Variants in AP5Z1 observed in about 807,000 individuals in gnomAD.
The protein encoded by AP5Z1 is adaptor related protein complex 5 subunit zeta 1.
A neutral mutation model predicts 83.0 loss-of-function variants in AP5Z1; 106 were observed. The ratio of observed to expected loss-of-function variants is 1.28; its 90% confidence interval spans 1.09 to 1.50. The LOEUF (loss-of-function observed/expected upper bound fraction) is 1.50. AP5Z1 is among the 40% of genes most tolerant of loss of function. The pLI, the probability that AP5Z1 is intolerant of heterozygous loss-of-function variation, is 0.00. For synonymous variants in AP5Z1, 751 were observed against 514.1 expected (o/e 1.46, Z -6.23); for missense variants, 1,565 against 1,094.2 (o/e 1.43, Z -6.07).
chr7:4,781,475 C>A, intron 2 of AP5Z1, 93 bp from the exon 3 acceptor site: 1 of 1,540,374 alleles, frequency 6.5e-7, no homozygotes. Context: ...TGTCCACTGG[C>A]CCAAGGGTGC....
chr7:4,782,342 C>T (rs529279814), intron 3 of AP5Z1, among the ~76,000 whole-genome samples: 1 of 152,312 alleles, frequency 6.6e-6, no homozygotes, highest in Admixed American at 6.5e-5. Flanking sequence ...TGTCCTCCCT[C>T]CCTCTGTGTC....
At position 4,787,652 on chromosome 7, in the gene AP5Z1, C is replaced by G; in HGVS notation, c.1330C>G (p.Pro444Ala). 2 of 1,553,006 alleles carry G rather than the reference C, an allele frequency of 1.3e-6. No homozygotes were observed. Among genetic ancestry groups the G allele is most frequent in the Non-Finnish European group, 1.7e-6 (2 of 1,148,848 alleles). The change falls in exon 11 of 17, where the codon CCA (proline) becomes GCA (alanine). Residue 444 changes from proline (P) to alanine (A), a missense_variant. Transcript: ENST00000649063. ...NLFKFLAWNS[P>A]PLTSEFVALL... is the part of the protein sequence containing the mutation. ...CCCACAGTTCCTGGCCTGGAACAGC[C>G]CACCCCTCACCTCCGAGTTTGTGGC...
chr7:4,787,873 C>A (rs972942126), intron 11 of AP5Z1, 97 bp downstream of exon 11: 2 of 1,390,508 alleles, frequency 1.4e-6, no homozygotes, highest in East Asian at 2.5e-5. Flanking sequence ...ACACCGGGGA[C>A]CCTCCTTCTT....
chr7:4,790,956 C>T (rs1781748582), intron 16 of AP5Z1, 69 bp downstream of exon 16: 2 of 1,496,952 alleles, frequency 1.3e-6, no homozygotes, highest in Admixed American at 2.2e-5. Flanking sequence ...GAGGTCTTCC[C>T]ATCCAGGTGT....
rs1404553613 is a variant in AP5Z1 at position 4,783,729 on chromosome 7, G to A, written c.552G>A (p.Leu184=). The A allele has an allele frequency of 9.0e-6, 14 of 1,550,632 alleles. No individual in the cohort carries two copies. Among genetic ancestry groups the A allele is most frequent in the Non-Finnish European group, 1.2e-5 (14 of 1,147,082 alleles). ...TLLSKRLVDW[L]RYASLQQGLP... ...TCAGCAAGCGGCTGGTCGACTGGCT[G>A]CGCTACGCCAGCCTCCAGCAAGGGC... The change falls in exon 5 of 17, where the codon CTG becomes CTA. Residue 184 remains leucine, a synonymous_variant. Transcript: ENST00000649063.
intron 14 of AP5Z1, 181 bp downstream of exon 14, chr7:4,790,110 T>A (rs749404): frequency 7.3e-7 from 1 of 1,372,980 alleles, no homozygotes; most frequent in South Asian, 1.4e-5. Flanking sequence ...TTCTCTCTGC[T>A]TCTCAAGAAC....
chr7:4,783,485 C>CTGT lies in AP5Z1; in HGVS notation c.511+28_511+30dup, dbSNP rs774625670. The CTGT allele has an allele frequency of 2.5e-6, 4 of 1,598,446 alleles. No individual in the cohort carries two copies. The South Asian group carries it at 4.4e-5, about 18-fold the overall frequency. On this transcript the variant is annotated intron_variant, in intron 4 of 16. Transcript: ENST00000649063. ...GGTACGCGGGGCCCCTCCCAAGAGG[C>CTGT]TGTTGGGGGTCTGCCTTCCCAGGTC...
rs772150298 is a variant in AP5Z1, at chr7:4,794,156, G to A, written c.*2771G>A. 6.6e-6 allele frequency: 1 copy of A among 152,212 alleles called. No individual in the cohort carries two copies. Among genetic ancestry groups the A allele is most frequent in the Non-Finnish European group, 1.5e-5 (1 of 68,104 alleles). The allele number at this position is 152,212 out of a possible 1,614,324, so 9.4% of individuals were successfully genotyped here. A position where few individuals can be genotyped will look rare whatever the true frequency, so the allele number is the denominator to read the frequency against. ...TGGAAAACCTTTTTGTCAACACTCT[G>A]TATCTAGTTAATCTGGTGGGGACAT... On this transcript the variant is annotated 3_prime_UTR_variant, in exon 17 of 17. Coordinates refer to ENST00000649063, the MANE Select transcript of AP5Z1 (RefSeq NM_014855.3).
rs117303296 is a variant in AP5Z1, at chr7:4,789,730, C to T, written c.1708-102C>T. Reference sequence around the variant, plus strand: ...GGGAAGGCAGTGGACGAGGAGTCTCCAGCCCCTCACCTGCCCCCCAGCCCT... The same window carrying T: ...GGGAAGGCAGTGGACGAGGAGTCTCTAGCCCCTCACCTGCCCCCCAGCCCT... On this transcript the variant is annotated intron_variant, in intron 13 of 16. Transcript: ENST00000649063. 0.012 allele frequency: 10,296 copies of T among 824,180 alleles called. 956 individuals carry two copies. In the East Asian group the frequency reaches 0.22, roughly 17 times the overall value. The allele number at this position is 824,180 out of a possible 1,614,324, so 51.1% of individuals were successfully genotyped here.
At chr7:4,779,470 TTA>T (rs1183585760) in intron 1 of AP5Z1, among the ~76,000 whole-genome samples, 2 of 145,480 alleles carry the variant, frequency 1.4e-5, no homozygotes, top group African/African-American at 5.1e-5. Context: ...ATATATTATA[TTA>T]TATATATATA....
chr7:4,788,985 A>T (rs1781653936), intron 13 of AP5Z1, 34 bp downstream of exon 13: 2 of 1,580,122 alleles, frequency 1.3e-6, no homozygotes, highest in Non-Finnish European at 1.7e-6. Flanking sequence ...CCATTCCCAC[A>T]GGCCTCACAA....
rs139378554 is a variant in AP5Z1 at position 4,791,526 on chromosome 7, C to G, written c.*141C>G. 2.6e-4 allele frequency: 331 copies of G among 1,268,372 alleles called. 2 individuals carry two copies. The African/African-American group carries it at 4.2e-3, about 16-fold the overall frequency. 78.6% of individuals were successfully genotyped at this position (1,268,372 alleles called of 1,614,324 possible). The stretch of plus-strand genomic sequence containing the variant: ...GCCCACGGTGGGCTTGGCACCCTCA[C>G]AGACACGCGGGGCTGGCCCCCCTGC... On this transcript the variant is annotated 3_prime_UTR_variant, in exon 17 of 17. Coordinates refer to ENST00000649063, the MANE Select transcript of AP5Z1 (RefSeq NM_014855.3).
chr7:4,775,628 G>C lies in AP5Z1; in HGVS notation c.-88G>C. ...TAAGGCCGCTGCGCTCACGTGACGC[G>C]GTCCCGGAAGTTGACCGGGGTGCGG... On this transcript the variant is annotated 5_prime_UTR_variant, in exon 1 of 17. Transcript: ENST00000649063. The C allele has an allele frequency of 1.9e-6, 3 of 1,566,400 alleles. No individual in the cohort carries two copies. Among genetic ancestry groups the C allele is most frequent in the Non-Finnish European group, 2.6e-6 (3 of 1,155,486 alleles).
chr7:4,790,957 A>G lies in AP5Z1; in HGVS notation c.2153+70A>G, dbSNP rs533219710. On this transcript the variant is annotated intron_variant, in intron 16 of 16. Coordinates refer to ENST00000649063, the MANE Select transcript of AP5Z1 (RefSeq NM_014855.3). ...GAGAGGTGGCTTCTGAGGTCTTCCC[A>G]TCCAGGTGTTGTGAAATGGTCGCAG... is the stretch of plus-strand genomic sequence containing the variant. 82 of 1,495,630 alleles carry G rather than the reference A, an allele frequency of 5.5e-5. 1 individual carries two copies. The South Asian group carries it at 8.9e-4, about 16-fold the overall frequency. 92.6% of individuals were successfully genotyped at this position (1,495,630 alleles called of 1,614,324 possible).
At chr7:4,790,619 C>A (rs578246400) in intron 15 of AP5Z1, 28 bp downstream of exon 15, 6 of 1,612,276 alleles carry the variant, frequency 3.7e-6, no homozygotes, top group Non-Finnish European at 5.1e-6. Context: ...CTCCCACAGC[C>A]GCTCCTGACC....
At chr7:4,776,070 C>G (rs973571827) in intron 1 of AP5Z1, among the ~76,000 whole-genome samples, 1 of 152,180 alleles carries the variant, frequency 6.6e-6, no homozygotes, top group Non-Finnish European at 1.5e-5. Flanking sequence ...GGCAGGAAAT[C>G]GGGCAGCCGG....
Position 4,792,389 on chromosome 7 carries a change from C to A in AP5Z1, c.*1004C>A, listed in dbSNP as rs1423971605. 1 of 151,952 alleles carries A rather than the reference C, an allele frequency of 6.6e-6. No homozygotes were observed. The highest frequency in any genetic ancestry group is 1.5e-5 in the Non-Finnish European group (1 of 67,942). 9.4% of individuals were successfully genotyped at this position (151,952 alleles called of 1,614,324 possible). On this transcript the variant is annotated 3_prime_UTR_variant, in exon 17 of 17. Transcript: ENST00000649063. ...CTCCCCTCCGGCCTCGGCCCCGCCC[C>A]CAATCCCCCATAGCTCTGCGACTAA...
Position 4,775,658 on chromosome 7 carries a change from C to A in AP5Z1, c.-58C>A, listed in dbSNP as rs989109449. On this transcript the variant is annotated 5_prime_UTR_variant, in exon 1 of 17. Transcript: ENST00000649063. Reference sequence around the variant, plus strand: ...CGGAAGTTGACCGGGGTGCGGAGCTCCTGGGCTGCAGCTCCTGGAGTTTCC... The same window carrying A: ...CGGAAGTTGACCGGGGTGCGGAGCTACTGGGCTGCAGCTCCTGGAGTTTCC... 1.9e-6 allele frequency: 3 copies of A among 1,601,260 alleles called. No homozygotes were observed. The highest frequency in any genetic ancestry group is 1.7e-4 in the Middle Eastern group (1 of 6,050).
Position 4,783,414 on chromosome 7 carries a change from C to G in AP5Z1, c.465C>G (p.Pro155=). 6.2e-7 allele frequency: 1 copy of G among 1,613,104 alleles called. No homozygotes were observed. The highest frequency in any genetic ancestry group is 8.5e-7 in the Non-Finnish European group (1 of 1,179,768). ...GACCCAGCCTCAGACACCTCCTCCC[C>G]GTCATGGCCAAGGTCGTGGTCCTCA... ...PEGPSLRHLL[P]VMAKVVVLSP... is the part of the protein sequence containing the mutation. The change falls in exon 4 of 17, where the codon CCC becomes CCG. Residue 155 remains proline (P), a synonymous_variant. Coordinates refer to ENST00000649063, the MANE Select transcript of AP5Z1 (RefSeq NM_014855.3).
Sources: allele counts gnomAD v4.1 joint callset (sites outside exome capture counted in the v4.1 genomes callset), GRCh38; gene constraint gnomAD v4.1.1; transcripts MANE v1.5; gene names NCBI Gene and HGNC (gene_info 2026-07-23, HGNC 2026-07-21).